Variants in SLIT3 observed in about 807,000 individuals in gnomAD.
SLIT3 encodes slit guidance ligand 3.
SLIT3 carries 68 observed loss-of-function variants against 184.0 expected under a neutral mutation model. That is an observed-to-expected ratio of 0.37 (90% CI 0.30 to 0.45). The LOEUF (loss-of-function observed/expected upper bound fraction) is 0.45. SLIT3 is among the 20% of genes least tolerant of loss of function. SLIT3 has a pLI of 1.00. For missense variants in SLIT3, 1,707 were observed against 2,026.0 expected, an observed-to-expected ratio of 0.84 and a Z score of 3.02; for synonymous variants, 831 against 828.6, an observed-to-expected ratio of 1.00 and a Z score of -0.05.
At position 169,125,908 on chromosome 5, in the gene SLIT3, T is replaced by C. The variant is rs545715130; in HGVS notation, c.413+67571A>G. ...TCAGGTAGAGACGAAACCAGCTTGC[T>C]ACAAGCTGAAATATGCTTTCAGCCT... is the stretch of plus-strand genomic sequence containing the variant. On this transcript the variant is annotated intron_variant, in intron 4 of 35. Transcript: ENST00000519560. Among the ~76,000 whole-genome samples, 3 of 152,334 alleles carry C rather than the reference T, an allele frequency of 2.0e-5. No homozygotes were observed. The East Asian group carries it at 5.8e-4, about 29-fold the overall frequency.
chr5:169,077,660 G>A (rs1056860568), intron 4 of SLIT3, among the ~76,000 whole-genome samples: 1 of 152,192 alleles, frequency 6.6e-6, no homozygotes, highest in South Asian at 2.1e-4. Context: ...AGTTTTCGGG[G>A]AGTCAAAAGT....
chr5:168,991,448 G>A (rs997385639), intron 4 of SLIT3, among the ~76,000 whole-genome samples: 26 of 152,296 alleles, frequency 1.7e-4, no homozygotes, highest in Non-Finnish European at 1.9e-4. Context: ...GAGGGGACAC[G>A]GGAGCCCCAG....
chr5:169,227,458 C>A (rs1682905854), intron 3 of SLIT3, among the ~76,000 whole-genome samples: 1 of 152,242 alleles, frequency 6.6e-6, no homozygotes, highest in East Asian at 1.9e-4. Flanking sequence ...TAGAAAGTCT[C>A]ACTCTGTCAC....
At chr5:168,856,729 A>G (rs1348426704) in intron 5 of SLIT3, among the ~76,000 whole-genome samples, 2 of 149,996 alleles carry the variant, frequency 1.3e-5, no homozygotes, top group Admixed American at 6.6e-5. Context: ...ATCTCAGTAG[A>G]TTGCATTTGC....
rs576967461 is a variant in SLIT3 at position 169,242,480 on chromosome 5, T to C, written c.341+2225A>G. 2.6e-5 allele frequency among the ~76,000 whole-genome samples: 4 copies of C among 152,336 alleles called. No individual in the cohort carries two copies. The South Asian group carries it at 6.2e-4, about 24-fold the overall frequency. ...TGAGACTGGAAGTGACATGTACTTC[T>C]TGAAATCTGCAAACTTCCCATGTGA... On this transcript the variant is annotated intron_variant, in intron 3 of 35. Transcript: ENST00000519560.
intron 9 of SLIT3, among the ~76,000 whole-genome samples, chr5:168,798,470 C>T (rs1279120405): frequency 6.6e-6 from 1 of 152,110 alleles, no homozygotes; most frequent in African/African-American, 2.4e-5. Flanking sequence ...TTCAAGCAAT[C>T]CTCCTGCCTC....
intron 4 of SLIT3, among the ~76,000 whole-genome samples, chr5:169,148,765 G>A (rs1762017422): frequency 1.3e-5 from 2 of 152,124 alleles, no homozygotes; most frequent in South Asian, 4.1e-4. Flanking sequence ...TGTTTAACAA[G>A]GAAACGGAGT....
Position 168,760,944 on chromosome 5 carries a change from G to A in SLIT3, c.1611-8C>T. 3 of 1,611,506 alleles carry A rather than the reference G, an allele frequency of 1.9e-6. No individual in the cohort carries two copies. The highest frequency in any genetic ancestry group is 2.5e-6 in the Non-Finnish European group (3 of 1,177,674). On this transcript the variant is annotated splice_polypyrimidine_tract_variant and splice_region_variant and intron_variant, in intron 15 of 35. Coordinates refer to ENST00000519560, the MANE Select transcript of SLIT3 (RefSeq NM_003062.4). Reference sequence around the variant, plus strand: ...TCATTGTCATTCAGTCGCCTGTGTAGGAAGCAAGATGAGTGGTAGGTTAGC... The same window carrying A: ...TCATTGTCATTCAGTCGCCTGTGTAAGAAGCAAGATGAGTGGTAGGTTAGC...
intron 20 of SLIT3, among the ~76,000 whole-genome samples, chr5:168,744,466 A>G (rs4867876): frequency 0.44 from 67,410 of 152,058 alleles, 15,553 homozygotes; most frequent in East Asian, 0.55. Context: ...GCCTTTTATT[A>G]AAAGAAGTAG....
intron 4 of SLIT3, among the ~76,000 whole-genome samples, chr5:168,984,680 C>T (rs1755067045): frequency 6.6e-6 from 1 of 152,178 alleles, no homozygotes; most frequent in Non-Finnish European, 1.5e-5. Flanking sequence ...CCCTTTTACA[C>T]TGTTTTCTAT....
chr5:169,172,466 T>C (rs1269083037), intron 4 of SLIT3, among the ~76,000 whole-genome samples: 1 of 152,232 alleles, frequency 6.6e-6, no homozygotes, highest in Non-Finnish European at 1.5e-5. Context: ...ATCTTGGAAA[T>C]TCACGGTGCA....
chr5:168,789,992 C>G (rs1756305471), intron 10 of SLIT3: 1 of 193,926 alleles, frequency 5.2e-6, no homozygotes, highest in Non-Finnish European at 1.0e-5. Flanking sequence ...ACAGATGAAA[C>G]AGGAACCGGC....
intron 4 of SLIT3, among the ~76,000 whole-genome samples, chr5:169,089,458 C>T (rs1759484188): frequency 6.6e-6 from 1 of 152,228 alleles, no homozygotes; most frequent in Non-Finnish European, 1.5e-5. Context: ...TGTGGACAAG[C>T]TAAGGCCTGT....
chr5:168,749,877 T>A (rs1008991494), intron 18 of SLIT3, among the ~76,000 whole-genome samples: 2 of 152,174 alleles, frequency 1.3e-5, no homozygotes, highest in Non-Finnish European at 2.9e-5. Flanking sequence ...GTGAACTGCC[T>A]TTGGGTCCTT....
chr5:168,967,782 C>T (rs1310979740), intron 4 of SLIT3, among the ~76,000 whole-genome samples: 1 of 152,124 alleles, frequency 6.6e-6, no homozygotes, highest in East Asian at 1.9e-4. Flanking sequence ...TTCATTGCAC[C>T]TGTCCCTCTA....
intron 5 of SLIT3, among the ~76,000 whole-genome samples, chr5:168,859,568 G>A (rs1423900901): frequency 2.6e-5 from 4 of 152,168 alleles, no homozygotes; most frequent in Non-Finnish European, 4.4e-5. Context: ...TCGATTTCAC[G>A]TTTGGTTTTC....
At chr5:168,996,728 A>C (rs1048423642) in intron 4 of SLIT3, among the ~76,000 whole-genome samples, 6 of 152,156 alleles carry the variant, frequency 3.9e-5, no homozygotes, top group African/African-American at 1.4e-4. Flanking sequence ...GTGACTTGGC[A>C]TCAGGTCATC....
intron 3 of SLIT3, among the ~76,000 whole-genome samples, chr5:169,197,419 A>T (rs1005737233): frequency 6.6e-6 from 1 of 152,198 alleles, no homozygotes; most frequent in African/African-American, 2.4e-5. Context: ...TGAAGGCTCC[A>T]AGCTGCATAA....
At chr5:169,094,863 A>C (rs296002) in intron 4 of SLIT3, among the ~76,000 whole-genome samples, 103,589 of 152,128 alleles carry the variant, frequency 0.68, 36,248 homozygotes, top group African/African-American at 0.84. Context: ...ATCACAACAG[A>C]AGAGCTGAGT....
Sources: gnomAD v4.1 joint callset for allele counts (sites outside exome capture counted in the v4.1 genomes callset) on GRCh38, gnomAD v4.1.1 for gene constraint, MANE v1.5 for transcripts, NCBI Gene and HGNC (gene_info 2026-07-23, HGNC 2026-07-21) for gene names.